The following RALGPS2 variants were observed in gnomAD, a reference collection of about 807,000 sequenced individuals.
RALGPS2 encodes Ral GEF with PH domain and SH3 binding motif 2, also known as ras-specific guanine nucleotide-releasing factor RalGPS2.
Under a neutral mutation model 86.8 loss-of-function variants are expected in RALGPS2, and 43 were observed. The ratio of observed to expected loss-of-function variants is 0.50; its 90% CI spans 0.39 to 0.64. RALGPS2 has a LOEUF of 0.64. RALGPS2 is among the 30% of genes least tolerant of loss of function. The probability of loss-of-function intolerance (pLI) is 0.00; values close to 1 mark genes in which losing one functional copy is unlikely to be tolerated. For missense variants in RALGPS2, 536 were observed against 694.6 expected (o/e 0.77, Z 2.57); for synonymous variants, 243 against 231.3 (o/e 1.05, Z -0.46).
At chr1:178,770,768 C>T (rs1449506513) in intron 1 of RALGPS2, among the ~76,000 whole-genome samples, 3 of 151,284 alleles carry the variant, frequency 2.0e-5, no homozygotes, top group Admixed American at 6.6e-5. Context: ...TGAGGCACCG[C>T]GCCTGGCCAC....
intron 4 of RALGPS2, among the ~76,000 whole-genome samples, chr1:178,798,229 A>G (rs1268987203): frequency 6.6e-6 from 1 of 152,212 alleles, no homozygotes; most frequent in Non-Finnish European, 1.5e-5. Context: ...GTATTAAGTC[A>G]TAACTGCATA....
chr1:178,759,951 A>G (rs187976712), intron 1 of RALGPS2, among the ~76,000 whole-genome samples: 19 of 152,310 alleles, frequency 1.2e-4, no homozygotes, highest in African/African-American at 4.6e-4. Flanking sequence ...CTGCAACTTT[A>G]CTGAATGTTT....
chr1:178,833,317 C>T, intron 7 of RALGPS2, 107 bp from the exon 8 acceptor site: 5 of 1,064,224 alleles, frequency 4.7e-6, no homozygotes, highest in Non-Finnish European at 6.1e-6. Flanking sequence ...GAAGATATAA[C>T]TTTGAAATTA....
At chr1:178,909,062 TC>T (rs1488432438) in intron 19 of RALGPS2, among the ~76,000 whole-genome samples, 4 of 152,182 alleles carry the variant, frequency 2.6e-5, no homozygotes, top group Non-Finnish European at 4.4e-5. Context: ...CTTTAATCCA[TC>T]TTGAGTTGAT....
At chr1:178,856,962 C>T (rs916482187) in intron 8 of RALGPS2, among the ~76,000 whole-genome samples, 1 of 152,136 alleles carries the variant, frequency 6.6e-6, no homozygotes, top group East Asian at 1.9e-4. Flanking sequence ...CCCATGTAAA[C>T]CAGTATAACC....
intron 16 of RALGPS2, among the ~76,000 whole-genome samples, chr1:178,896,518 G>A (rs1488638306): frequency 7.0e-6 from 1 of 142,320 alleles, no homozygotes; most frequent in Non-Finnish European, 1.5e-5. Flanking sequence ...TGCACATTGT[G>A]CAGGTTAGTT....
At chr1:178,834,768 G>GTTTGTTTTGT (rs1553268424) in intron 8 of RALGPS2, among the ~76,000 whole-genome samples, 3 of 152,198 alleles carry the variant, frequency 2.0e-5, no homozygotes, top group Admixed American at 1.3e-4. Flanking sequence ...TGCTGTCATT[G>GTTTGTTTTGT]TTTGTTTTGT....
rs1027193122 is a variant in RALGPS2 at position 178,746,902 on chromosome 1, C to A, written c.-84+21483C>A. 4 of 1,123,482 alleles carry A rather than the reference C, an allele frequency of 3.6e-6. No homozygotes were observed. The East Asian group carries it at 9.4e-5, about 26-fold the overall frequency. The allele number at this position is 1,123,482 out of a possible 1,614,324, so 69.6% of individuals were successfully genotyped here. On this transcript the variant is annotated intron_variant, in intron 1 of 19. Transcript: ENST00000367635. Reference sequence around the variant, plus strand: ...TTTCTTCTTCTAGACCTATTCTGTTCCTATTGTATTTTTCAGTCATTATTT... The same window carrying A: ...TTTCTTCTTCTAGACCTATTCTGTTACTATTGTATTTTTCAGTCATTATTT...
chr1:178,884,480 G>A (rs1191747350), intron 11 of RALGPS2, among the ~76,000 whole-genome samples: 1 of 134,846 alleles, frequency 7.4e-6, no homozygotes, highest in Non-Finnish European at 1.6e-5. Flanking sequence ...GATGTGAAGT[G>A]GAGAAACAAA....
intron 1 of RALGPS2, among the ~76,000 whole-genome samples, chr1:178,756,127 A>G (rs541838589): frequency 6.6e-6 from 1 of 151,914 alleles, no homozygotes; most frequent in East Asian, 1.9e-4. Flanking sequence ...TTGTCTGTTG[A>G]CCCTGTTGAT....
At chr1:178,797,548 A>G (rs1362140312) in intron 4 of RALGPS2, among the ~76,000 whole-genome samples, 1 of 152,146 alleles carries the variant, frequency 6.6e-6, no homozygotes, top group Non-Finnish European at 1.5e-5. Context: ...GGAAGTTGCA[A>G]CAAAATAGTA....
At chr1:178,740,885 ACT>A (rs965550158) in intron 1 of RALGPS2, among the ~76,000 whole-genome samples, 7 of 151,962 alleles carry the variant, frequency 4.6e-5, no homozygotes, top group African/African-American at 1.5e-4. Flanking sequence ...AATCGCTTAA[ACT>A]CTCTGTCTCA....
intron 2 of RALGPS2, among the ~76,000 whole-genome samples, chr1:178,781,014 A>T (rs1282223983): frequency 6.7e-6 from 1 of 149,812 alleles, no homozygotes; most frequent in South Asian, 2.1e-4. Flanking sequence ...TGAATATGTT[A>T]TATATATATA....
intron 8 of RALGPS2, among the ~76,000 whole-genome samples, chr1:178,856,200 G>GATATATATATATAT (rs1348083361): frequency 1.2e-4 from 5 of 40,924 alleles, no homozygotes; most frequent in African/African-American, 4.7e-4. Flanking sequence ...CAGAGAGAGA[G>GATATATATATATAT]AGATATATAT....
At chr1:178,859,624 AC>A (rs1431353142) in intron 8 of RALGPS2, among the ~76,000 whole-genome samples, 1 of 150,740 alleles carries the variant, frequency 6.6e-6, no homozygotes, top group Non-Finnish European at 1.5e-5. Flanking sequence ...AAGGAAAGAC[AC>A]ATAAAGGGAA....
intron 6 of RALGPS2, among the ~76,000 whole-genome samples, chr1:178,816,453 G>A (rs984665947): frequency 1.5e-4 from 22 of 151,556 alleles, no homozygotes; most frequent in Admixed American, 3.9e-4. Flanking sequence ...CAAGTTGTAG[G>A]GATTTTTTTA....
intron 10 of RALGPS2, chr1:178,879,235 T>C (rs537278427): frequency 5.8e-6 from 2 of 342,990 alleles, no homozygotes; most frequent in Non-Finnish European, 9.7e-6. Context: ...TAACGTTTGA[T>C]AGTTCTAATT....
At chr1:178,819,524 G>A (rs1655397292) in intron 6 of RALGPS2, among the ~76,000 whole-genome samples, 1 of 152,104 alleles carries the variant, frequency 6.6e-6, no homozygotes, top group South Asian at 2.1e-4. Flanking sequence ...TTAGGCCCTG[G>A]GCAATGTGTC....
Position 178,878,969 on chromosome 1 carries a change from A to G in RALGPS2, c.813A>G (p.Lys271=), listed in dbSNP as rs1033492265. The change falls in exon 10 of 20, where the codon AAA becomes AAG. Residue 271 remains lysine, a synonymous_variant. Coordinates refer to ENST00000367635, the MANE Select transcript of RALGPS2 (RefSeq NM_152663.5). ...NSVQYIEELQ[K]FVEDDNYKLS... ...TTCAGTATATAGAAGAACTACAAAA[A>G]TTTGTGGAAGACGATAATTACAAGT... is the stretch of plus-strand genomic sequence containing the variant. 9 of 1,612,586 alleles carry G rather than the reference A, an allele frequency of 5.6e-6. No individual in the cohort carries two copies. The African/African-American group carries it at 1.1e-4, about 19-fold the overall frequency.
Sources: gnomAD v4.1 joint callset for allele counts (sites outside exome capture counted in the v4.1 genomes callset) on GRCh38, gnomAD v4.1.1 for gene constraint, MANE v1.5 for transcripts, NCBI Gene and HGNC (gene_info 2026-07-23, HGNC 2026-07-21) for gene names.